Variants in NOMO3 observed in about 807,000 individuals in gnomAD.
The protein encoded by NOMO3 is NODAL modulator 3, also known as BOS complex subunit NOMO3.
NOMO3 carries 15 observed loss-of-function variants against 69.9 expected under a neutral mutation model. The ratio of observed to expected loss-of-function variants is 0.21; its 90% CI spans 0.14 to 0.33. NOMO3 has a LOEUF of 0.33. Ranked by LOEUF, NOMO3 falls within the 10% of genes least tolerant of loss-of-function variation. The pLI, the probability that NOMO3 is intolerant of heterozygous loss-of-function variation, is 1.00. For missense variants in NOMO3, 218 were observed against 761.0 expected, an observed-to-expected ratio of 0.29 and a Z score of 8.39; for synonymous variants, 89 against 301.9, an observed-to-expected ratio of 0.29 and a Z score of 7.31.
At chr16:16,264,840 G>A (rs538778325) in intron 14 of NOMO3, among the ~76,000 whole-genome samples, 7,011 of 134,466 alleles carry the variant, frequency 0.052, 741 homozygotes, top group Middle Eastern at 0.13. Flanking sequence ...GAGCCACCAC[G>A]CTCGACTCCA....
intron 6 of NOMO3, among the ~76,000 whole-genome samples, chr16:16,248,837 C>A (rs1291023764): frequency 6.6e-6 from 1 of 152,250 alleles, no homozygotes; most frequent in African/African-American, 2.4e-5. Context: ...ATACTGACTT[C>A]TAGAGAAAGA....
At chr16:16,242,877 T>C (rs1185810518) in intron 3 of NOMO3, among the ~76,000 whole-genome samples, 1 of 142,926 alleles carries the variant, frequency 7.0e-6, no homozygotes, top group Non-Finnish European at 1.5e-5. Context: ...AACTCTGAGA[T>C]ATAACTTAGC....
rs1049846314 is a variant in NOMO3 at position 16,252,336 on chromosome 16, T to C, written c.874-97T>C. The C allele has an allele frequency of 1.3e-4, 153 of 1,172,614 alleles. 5 individuals carry two copies. Among genetic ancestry groups the C allele is most frequent in the Middle Eastern group, 2.8e-4 (1 of 3,518 alleles). The allele number at this position is 1,172,614 out of a possible 1,614,324, so 72.6% of individuals were successfully genotyped here. ...TGATGAATGTTTCTCTTGGTCTGTC[T>C]GAACCCCTTGTCATTTGTGGGCTGC... On this transcript the variant is annotated intron_variant, in intron 8 of 30. Coordinates refer to ENST00000399336, the MANE Select transcript of NOMO3 (RefSeq NM_001004067.4).
At position 16,265,217 on chromosome 16, in the gene NOMO3, G is replaced by A. The variant is rs142042413; in HGVS notation, c.1806+38G>A. 123 of 1,588,610 alleles carry A rather than the reference G, an allele frequency of 7.7e-5. 5 individuals carry two copies. Among genetic ancestry groups the A allele is most frequent in the Non-Finnish European group, 9.0e-5 (106 of 1,177,804 alleles). ...TATGGAGTCTCTTATTTGGAAAAGC[G>A]CTTGCCTTGTGGATGTCAAGAAAGA... On this transcript the variant is annotated intron_variant, in intron 15 of 30. Coordinates refer to ENST00000399336, the MANE Select transcript of NOMO3 (RefSeq NM_001004067.4).
In NOMO3 at chr16:16,252,468, T is replaced by C; in HGVS notation, c.909T>C (p.Asp303=). Residue 303 remains aspartate (D), a synonymous_variant, in exon 9 of 31, where the codon GAT becomes GAC. Transcript: ENST00000399336. ...ATCGAGGGGAGAGGATTACCTTTGA[T>C]GTGGCGCCTTCCAGACTTGACTTCA... ...PFYRGERITF[D]VAPSRLDFTV... The C allele has an allele frequency of 1.8e-6, 2 of 1,121,596 alleles. No homozygotes were observed. Among genetic ancestry groups the C allele is most frequent in the Non-Finnish European group, 2.5e-6 (2 of 808,070 alleles). The allele number at this position is 1,121,596 out of a possible 1,614,324, so 69.5% of individuals were successfully genotyped here.
Position 16,235,070 on chromosome 16 carries a change from A to G in NOMO3, c.166-1831A>G, listed in dbSNP as rs375390588. ...CTGAATCTCTTTGTCACCTGTAGCA[A>G]ATTCACTGAGTACCTAGAGTAAGCT... On this transcript the variant is annotated intron_variant, in intron 1 of 30. Transcript: ENST00000399336. Among the ~76,000 whole-genome samples, 16 of 151,818 alleles carry G rather than the reference A, an allele frequency of 1.1e-4. 1 individual carries two copies. The East Asian group carries it at 1.9e-3, about 18-fold the overall frequency.
At position 16,260,379 on chromosome 16, in the gene NOMO3, G is replaced by A. The variant is rs1416245300; in HGVS notation, c.1221-1123G>A. 4.3e-5 allele frequency among the ~76,000 whole-genome samples: 6 copies of A among 138,202 alleles called. 1 individual carries two copies. In the East Asian group the frequency reaches 9.6e-4, roughly 22 times the overall value. The allele number at this position is 138,202 out of a possible 152,430, so 90.7% of individuals were successfully genotyped here. On this transcript the variant is annotated intron_variant, in intron 11 of 30. Transcript: ENST00000399336. ...TTAAGAGTGTAAAATTCTTTTTCTC[G>A]GCTTGCAGTTCATACACAAACGGGA...
chr16:16,265,301 A>C, intron 15 of NOMO3, 122 bp downstream of exon 15: 1 of 1,570,596 alleles, frequency 6.4e-7, no homozygotes, highest in Non-Finnish European at 8.6e-7. Flanking sequence ...CTGCCTCTGC[A>C]CTCACCCACC....
chr16:16,261,436 G>A lies in NOMO3; in HGVS notation c.1221-66G>A. The A allele has an allele frequency of 1.9e-6, 3 of 1,551,186 alleles. 1 individual carries two copies. The highest frequency in any genetic ancestry group is 2.6e-6 in the Non-Finnish European group (3 of 1,151,240). ...CTGGGAGAGGGCTGCATCTTTTTTG[G>A]TCGATAAGAGCCTTTCCTGTTATAA... On this transcript the variant is annotated intron_variant, in intron 11 of 30. Transcript: ENST00000399336.
rs1714235065 is a variant in NOMO3, at chr16:16,232,675, G to A, written c.9G>A (p.Val3=). ...CTGGGGGAGGTCGGGCCATGCTGGT[G>A]GGCCAGGGCGCGGGGCCGCTGGGGC... ML[V]GQGAGPLGPA... is the part of the protein sequence containing the mutation. Residue 3 remains valine, a synonymous_variant, in exon 1 of 31, where the codon GTG becomes GTA. Coordinates refer to ENST00000399336, the MANE Select transcript of NOMO3 (RefSeq NM_001004067.4). 4 of 844,260 alleles carry A rather than the reference G, an allele frequency of 4.7e-6. No individual in the cohort carries two copies. Among genetic ancestry groups the A allele is most frequent in the Non-Finnish European group, 4.6e-6 (3 of 648,322 alleles). 52.3% of individuals were successfully genotyped at this position (844,260 alleles called of 1,614,324 possible). A position where few individuals can be genotyped will look rare whatever the true frequency, so the allele number is the denominator to read the frequency against.
Position 16,254,913 on chromosome 16 carries a change from G to A in NOMO3, c.964-807G>A, listed in dbSNP as rs1318610429. Among the ~76,000 whole-genome samples the A allele has an allele frequency of 1.4e-5, 2 of 143,666 alleles. 1 individual carries two copies. Among genetic ancestry groups the A allele is most frequent in the African/African-American group, 5.7e-5 (2 of 34,870 alleles). 94.3% of individuals were successfully genotyped at this position (143,666 alleles called of 152,430 possible). On this transcript the variant is annotated intron_variant, in intron 9 of 30. Transcript: ENST00000399336. ...CCAGTGATGGTGGTGGAGGAGGGTG[G>A]TCTAGGTGGATTTCTTTTTTTTTCT... is the stretch of plus-strand genomic sequence containing the variant.
At position 16,259,410 on chromosome 16, in the gene NOMO3, G is replaced by A. The variant is rs2141256935; in HGVS notation, c.1221-2092G>A. ...GTTGCCCAGGCTGGAGTACGGTGGCGCCATCTCGGCTCACTGCAGCCTCCG... is the reference window on the plus strand; with the variant it reads ...GTTGCCCAGGCTGGAGTACGGTGGCACCATCTCGGCTCACTGCAGCCTCCG... On this transcript the variant is annotated intron_variant, in intron 11 of 30. Coordinates refer to ENST00000399336, the MANE Select transcript of NOMO3 (RefSeq NM_001004067.4). Among the ~76,000 whole-genome samples the A allele has an allele frequency of 2.1e-5, 3 of 141,314 alleles. No homozygotes were observed. The South Asian group carries it at 6.7e-4, about 32-fold the overall frequency. 92.7% of individuals were successfully genotyped at this position (141,314 alleles called of 152,430 possible).
intron 3 of NOMO3, among the ~76,000 whole-genome samples, chr16:16,242,736 T>C (rs1057083472): frequency 4.9e-5 from 7 of 143,046 alleles, no homozygotes; most frequent in Non-Finnish European, 8.9e-5. Flanking sequence ...AATTTACCCC[T>C]CAGTAAATTG....
At chr16:16,270,252 A>C (rs1480638178) in intron 17 of NOMO3, 68 bp downstream of exon 17, 1 of 1,581,432 alleles carries the variant, frequency 6.3e-7, no homozygotes, top group East Asian at 2.6e-5. Flanking sequence ...CATTTACTTC[A>C]GAGAACAAAA....
At chr16:16,241,012 C>G (rs1188433375) in intron 3 of NOMO3, among the ~76,000 whole-genome samples, 8 of 144,212 alleles carry the variant, frequency 5.5e-5, no homozygotes, top group Admixed American at 3.4e-4. Context: ...ACCCTACCCC[C>G]AACTGGTGCT....
chr16:16,236,202 A>G (rs1448725272), intron 1 of NOMO3, among the ~76,000 whole-genome samples: 1 of 145,980 alleles, frequency 6.9e-6, no homozygotes, highest in Non-Finnish European at 1.5e-5. Context: ...CCTTTAGTTG[A>G]GAAATAGAGG....
chr16:16,271,815 TTGGCCGAG>T (rs1290534606), intron 18 of NOMO3, among the ~76,000 whole-genome samples: 1 of 72,240 alleles, frequency 1.4e-5, no homozygotes, highest in African/African-American at 1.0e-4. Flanking sequence ...GGTCCCCCTA[TTGGCCGAG>T]TGGAGAACAG....
rs2856547 is a variant in NOMO3 at position 16,257,705 on chromosome 16, G to T, written c.1220+1547G>T. ...AAAGTAAGTTTGGGGTAGGAGGTAG[G>T]GCCCAACAGGGAGGTGCAGGGAGCT... On this transcript the variant is annotated intron_variant, in intron 11 of 30. Transcript: ENST00000399336. 7.0e-5 allele frequency among the ~76,000 whole-genome samples: 10 copies of T among 142,966 alleles called. 1 individual carries two copies. Among genetic ancestry groups the T allele is most frequent in the East Asian group, 2.3e-4 (1 of 4,336 alleles). The allele number at this position is 142,966 out of a possible 152,430, so 93.8% of individuals were successfully genotyped here.
rs1393078046 is a variant in NOMO3 at position 16,232,639 on chromosome 16, G to C, written c.-28G>C. On this transcript the variant is annotated 5_prime_UTR_variant, in exon 1 of 31. Transcript: ENST00000399336. ...TGAGGGGCGGGACCCGGCTGCCGGCGGTGGGTCTAGCTGGGGGAGGTCGGG... is the reference window on the plus strand; with the variant it reads ...TGAGGGGCGGGACCCGGCTGCCGGCCGTGGGTCTAGCTGGGGGAGGTCGGG... 1.9e-6 allele frequency: 1 copy of C among 526,546 alleles called. No individual in the cohort carries two copies. Among genetic ancestry groups the C allele is most frequent in the East Asian group, 3.9e-5 (1 of 25,736 alleles). The allele number at this position is 526,546 out of a possible 1,614,324, so 32.6% of individuals were successfully genotyped here. A position where few individuals can be genotyped will look rare whatever the true frequency, so the allele number is the denominator to read the frequency against.
Sources: gnomAD v4.1 joint callset for allele counts (sites outside exome capture counted in the v4.1 genomes callset) on GRCh38, gnomAD v4.1.1 for gene constraint, MANE v1.5 for transcripts, NCBI Gene and HGNC (gene_info 2026-07-23, HGNC 2026-07-21) for gene names.